PRMT7: variants seen among roughly 807,000 people sequenced by gnomAD.
PRMT7 encodes the protein protein arginine N-methyltransferase 7.
PRMT7 carries 75 observed loss-of-function variants against 85.4 expected under a neutral mutation model. The ratio of observed to expected loss-of-function variants is 0.88; its 90% CI spans 0.73 to 1.06. PRMT7 has a LOEUF of 1.06. Among genes scored for constraint, PRMT7 ranks in the 50% least tolerant of loss-of-function variants. The pLI is 0.00. For missense variants in PRMT7, 868 were observed against 915.2 expected (o/e 0.95, Z 0.67); for synonymous variants, 397 against 359.5 (o/e 1.10, Z -1.18).
downstream of PRMT7, chr16:68,360,861 C>T (rs987880203): frequency 4.1e-6 from 1 of 245,222 alleles, no homozygotes; most frequent in Non-Finnish European, 7.9e-6. Context: ...AATAAAGAAC[C>T]CTGGACGAAG....
chr16:68,326,948 G>T (rs896994854), intron 5 of PRMT7, among the ~76,000 whole-genome samples: 1 of 152,264 alleles, frequency 6.6e-6, no homozygotes, highest in South Asian at 2.1e-4. Flanking sequence ...TTGTCAGGGT[G>T]GAGGCAAAGT....
intron 7 of PRMT7, among the ~76,000 whole-genome samples, chr16:68,338,793 G>C (rs995238881): frequency 2.0e-5 from 3 of 152,174 alleles, no homozygotes; most frequent in Admixed American, 1.3e-4. Context: ...CTCTTGCCGG[G>C]TCCCTATTGC....
chr16:68,313,074 T>C (rs567748201), intron 2 of PRMT7, among the ~76,000 whole-genome samples: 1 of 152,266 alleles, frequency 6.6e-6, no homozygotes, highest in East Asian at 1.9e-4. Context: ...ATCCACCTGC[T>C]TTGGTCTCCC....
chr16:68,345,816 C>T lies in PRMT7; in HGVS notation c.1055+14C>T, dbSNP rs376658958. The T allele has an allele frequency of 1.7e-5, 27 of 1,613,630 alleles. No individual in the cohort carries two copies. The highest frequency in any genetic ancestry group is 1.6e-4 in the Middle Eastern group (1 of 6,078). ...GCAGAGGACCAGGTACGTCGAGCCTCGTGGGGGTGGAGGATGAGCCTCTGA... is the reference window on the plus strand; with the variant it reads ...GCAGAGGACCAGGTACGTCGAGCCTTGTGGGGGTGGAGGATGAGCCTCTGA... On this transcript the variant is annotated intron_variant, in intron 10 of 18. Transcript: ENST00000441236.
At chr16:68,313,688 G>A (rs954334304) in intron 2 of PRMT7, among the ~76,000 whole-genome samples, 49 of 152,312 alleles carry the variant, frequency 3.2e-4, no homozygotes, top group African/African-American at 1.1e-3. Flanking sequence ...TATTCTGTCT[G>A]TAAAATAAAT....
chr16:68,336,851 C>G (rs2084768707), intron 6 of PRMT7, among the ~76,000 whole-genome samples: 1 of 152,176 alleles, frequency 6.6e-6, no homozygotes. Flanking sequence ...CTCCCAGGTT[C>G]AAGTGATTCT....
At chr16:68,346,049 C>T (rs2086309194) in intron 10 of PRMT7, 96 bp from the exon 11 acceptor site, 1 of 1,567,572 alleles carries the variant, frequency 6.4e-7, no homozygotes, top group East Asian at 2.2e-5. Context: ...GCTCTAAGCC[C>T]TCATGCCTAC....
intron 3 of PRMT7, among the ~76,000 whole-genome samples, chr16:68,316,503 C>T (rs564418743): frequency 6.6e-6 from 1 of 152,194 alleles, no homozygotes; most frequent in East Asian, 1.9e-4. Context: ...CAGTGGCTCA[C>T]GCCTCTAATC....
In PRMT7 at chr16:68,352,301, C is replaced by T; in HGVS notation, c.1467C>T (p.His489=). The T allele has an allele frequency of 1.2e-6, 2 of 1,613,734 alleles. No homozygotes were observed. The highest frequency in any genetic ancestry group is 1.7e-6 in the Non-Finnish European group (2 of 1,180,038). ...PFFTTSLLPW[H]NLYFWYVRTA... is the part of the protein sequence containing the mutation. ...TCACTACCAGCCTGCTGCCGTGGCA[C>T]AACCTCTACTTCTGGTACGTGCGGA... The change falls in exon 15 of 19, where the codon CAC becomes CAT. Residue 489 remains histidine (H), a synonymous_variant. Coordinates refer to ENST00000441236, the MANE Select transcript of PRMT7 (RefSeq NM_019023.5).
At chr16:68,344,967 CA>C (rs199855334) in intron 9 of PRMT7, among the ~76,000 whole-genome samples, 68 of 94,612 alleles carry the variant, frequency 7.2e-4, no homozygotes, top group African/African-American at 2.6e-3. Flanking sequence ...CGGGCATGCA[CA>C]TTTTTTTTTT....
chr16:68,359,808 C>T (rs1270872005), downstream of PRMT7: 1 of 152,588 alleles, frequency 6.6e-6, no homozygotes, highest in Non-Finnish European at 1.5e-5. Context: ...AGGAGCAGCC[C>T]TGGAGTCTCT....
rs1263508633 is a variant in PRMT7, at chr16:68,357,678, G to GGAGATTTCTGGCCCTCTAGTGGGTA, written c.*459_*460insTTCTGGCCCTCTAGTGGGTAGAGAT. ...CTCTTCTGGCTTCTGCTAGGAGGGTGGAGATGCTGAGTTGTGGCTGGGTCT... is the reference window on the plus strand; with the variant it reads ...CTCTTCTGGCTTCTGCTAGGAGGGTGGAGATTTCTGGCCCTCTAGTGGGTAGAGATGCTGAGTTGTGGCTGGGTCT... On this transcript the variant is annotated 3_prime_UTR_variant, in exon 19 of 19. Coordinates refer to ENST00000441236, the MANE Select transcript of PRMT7 (RefSeq NM_019023.5). 3.1e-5 allele frequency: 5 copies of GGAGATTTCTGGCCCTCTAGTGGGTA among 160,764 alleles called. No individual in the cohort carries two copies. The highest frequency in any genetic ancestry group is 1.8e-4 in the Admixed American group (3 of 16,466). The allele number at this position is 160,764 out of a possible 1,614,324, so 10.0% of individuals were successfully genotyped here.
chr16:68,346,745 G>A (rs1184590499), intron 11 of PRMT7, among the ~76,000 whole-genome samples: 2 of 152,138 alleles, frequency 1.3e-5, no homozygotes, highest in African/African-American at 2.4e-5. Flanking sequence ...CCTTGGGGGT[G>A]TGTACAGAAA....
At chr16:68,341,198 C>T (rs558981312) in intron 9 of PRMT7, among the ~76,000 whole-genome samples, 1 of 152,308 alleles carries the variant, frequency 6.6e-6, no homozygotes, top group Non-Finnish European at 1.5e-5. Context: ...CCCATCCACC[C>T]TCTCTCACTC....
At chr16:68,319,711 A>T (rs867205668) in intron 3 of PRMT7, among the ~76,000 whole-genome samples, 1,788 of 141,532 alleles carry the variant, frequency 0.013, 35 homozygotes, top group African/African-American at 0.043. Flanking sequence ...TAAGAGTGAG[A>T]GTGTGTGTGT....
chr16:68,330,485 C>A (rs2083713022), intron 6 of PRMT7, among the ~76,000 whole-genome samples: 3 of 152,120 alleles, frequency 2.0e-5, no homozygotes, highest in Admixed American at 2.0e-4. Flanking sequence ...TTGGAGAATG[C>A]AGTATCATTC....
chr16:68,357,044 C>T lies in PRMT7; in HGVS notation c.1909-10C>T, dbSNP rs901467067. The T allele has an allele frequency of 6.3e-7, 1 of 1,597,198 alleles. No individual in the cohort carries two copies. The highest frequency in any genetic ancestry group is 1.3e-5 in the African/African-American group (1 of 74,564). Reference sequence around the variant, plus strand: ...GAGCCCTCACCATCTTCCTGCTCTTCTTCCTACAGGGGGGCTGCTGCTGGA... The same window carrying T: ...GAGCCCTCACCATCTTCCTGCTCTTTTTCCTACAGGGGGGCTGCTGCTGGA... On this transcript the variant is annotated splice_polypyrimidine_tract_variant and intron_variant, in intron 18 of 18. Transcript: ENST00000441236.
intron 14 of PRMT7, among the ~76,000 whole-genome samples, chr16:68,348,733 T>A (rs1031282600): frequency 2.0e-5 from 3 of 148,038 alleles, no homozygotes; most frequent in African/African-American, 7.6e-5. Flanking sequence ...GCCTCGACCT[T>A]CCAGCCTCAA....
In PRMT7 at chr16:68,352,382, G is replaced by A. The variant is rs1014171090; in HGVS notation, c.1548G>A (p.Ser516=). 7.5e-6 allele frequency: 12 copies of A among 1,607,332 alleles called. No homozygotes were observed. The highest frequency in any genetic ancestry group is 1.3e-5 in the African/African-American group (1 of 74,920). Residue 516 remains serine (S), a synonymous_variant, in exon 15 of 19, where the codon TCG becomes TCA. Transcript: ENST00000441236. ...PGAMVMPQAA[S]LHAVVVEFRD... ...CCATGGTGATGCCCCAGGCAGCCTC[G>A]CTGCACGCTGTGGTTGTGGAGTTCA... is the stretch of plus-strand genomic sequence containing the variant.
Sources: allele counts gnomAD v4.1 joint callset (sites outside exome capture counted in the v4.1 genomes callset), GRCh38; gene constraint gnomAD v4.1.1; transcripts MANE v1.5; gene names NCBI Gene and HGNC (gene_info 2026-07-23, HGNC 2026-07-21).